Variants in DNAH9 observed in about 807,000 individuals in gnomAD.
DNAH9 encodes dynein axonemal heavy chain 9, also known as DNAH9 variant protein.
DNAH9 carries 345 observed loss-of-function variants against 471.6 expected under a neutral mutation model. The ratio of observed to expected loss-of-function variants is 0.73; its 90% CI spans 0.67 to 0.80. DNAH9 has a LOEUF of 0.80. Among genes scored for constraint, DNAH9 ranks in the 30% least tolerant of loss-of-function variants. DNAH9 has a pLI of 0.00. For synonymous variants in DNAH9, 2,093 were observed against 2,123.6 expected (o/e 0.99, Z 0.40); for missense variants, 5,407 against 5,609.2 (o/e 0.96, Z 1.15).
intron 10 of DNAH9, among the ~76,000 whole-genome samples, chr17:11,642,967 G>A (rs924555503): frequency 2.6e-5 from 4 of 152,220 alleles, no homozygotes; most frequent in East Asian, 1.9e-4. Flanking sequence ...TGGAAAGCTC[G>A]AGGGATCTGA....
At chr17:11,693,219 T>C (rs1471228533) in intron 20 of DNAH9, among the ~76,000 whole-genome samples, 1 of 141,392 alleles carries the variant, frequency 7.1e-6, no homozygotes, top group Non-Finnish European at 1.5e-5. Context: ...AGCTTATTAT[T>C]GCTACTTTTA....
Position 11,881,139 on chromosome 17 carries a change from T to A in DNAH9, c.10602-70T>A, listed in dbSNP as rs1972703199. The A allele has an allele frequency of 1.6e-5, 23 of 1,437,676 alleles. No homozygotes were observed. The South Asian group carries it at 2.7e-4, about 17-fold the overall frequency. 89.1% of individuals were successfully genotyped at this position (1,437,676 alleles called of 1,614,324 possible). A position where few individuals can be genotyped will look rare whatever the true frequency, so the allele number is the denominator to read the frequency against. On this transcript the variant is annotated intron_variant, in intron 54 of 68. Coordinates refer to ENST00000262442, the MANE Select transcript of DNAH9 (RefSeq NM_001372.4). ...ATATAGCAATATTGTTTGAAAAAAA[T>A]CTCAAATTCTGACCCCAACCAAATT... is the stretch of plus-strand genomic sequence containing the variant.
intron 35 of DNAH9, 106 bp downstream of exon 35, chr17:11,757,798 T>G: frequency 8.0e-7 from 1 of 1,244,722 alleles, no homozygotes; most frequent in Non-Finnish European, 1.1e-6. Flanking sequence ...AAGTCAGATG[T>G]TCCCAGAGCG....
At chr17:11,799,853 G>A (rs1969387830) in intron 43 of DNAH9, among the ~76,000 whole-genome samples, 1 of 152,146 alleles carries the variant, frequency 6.6e-6, no homozygotes, top group African/African-American at 2.4e-5. Flanking sequence ...CCAAAGTGCT[G>A]GGATTACAGG....
At chr17:11,697,287 A>G (rs1466062162) in intron 22 of DNAH9, among the ~76,000 whole-genome samples, 2 of 152,140 alleles carry the variant, frequency 1.3e-5, no homozygotes, top group African/African-American at 4.8e-5. Context: ...GTCATTTCAC[A>G]TGTGAGCAAG....
chr17:11,696,169 A>G (rs752139388), intron 22 of DNAH9, among the ~76,000 whole-genome samples: 11 of 152,176 alleles, frequency 7.2e-5, no homozygotes, highest in Non-Finnish European at 1.6e-4. Flanking sequence ...GCAAATGCAC[A>G]TTTACATTCA....
intron 33 of DNAH9, among the ~76,000 whole-genome samples, chr17:11,753,481 A>G (rs537847660): frequency 1.3e-5 from 2 of 152,308 alleles, no homozygotes; most frequent in Admixed American, 6.5e-5. Context: ...CCTGGCCAAC[A>G]TGGTGAAACC....
rs1223902320 is a variant in DNAH9 at position 11,797,860 on chromosome 17, G to T, written c.8420+67G>T. ...CTTCCCAATGACAGGGGTCTCATTC[G>T]GCTATTTGAGGTCACTTCCGTAAAG... On this transcript the variant is annotated intron_variant, in intron 43 of 68. Transcript: ENST00000262442. The T allele has an allele frequency of 2.7e-6, 4 of 1,498,410 alleles. No individual in the cohort carries two copies. The Admixed American group carries it at 7.9e-5, about 30-fold the overall frequency. 92.8% of individuals were successfully genotyped at this position (1,498,410 alleles called of 1,614,324 possible). A position where few individuals can be genotyped will look rare whatever the true frequency, so the allele number is the denominator to read the frequency against.
chr17:11,809,811 A>C (rs1010110489), intron 44 of DNAH9, among the ~76,000 whole-genome samples: 5 of 152,164 alleles, frequency 3.3e-5, no homozygotes, highest in Admixed American at 2.0e-4. Flanking sequence ...TGTAAGTCTT[A>C]CATATAAGAC....
chr17:11,722,919 T>C (rs1350420296), intron 27 of DNAH9, among the ~76,000 whole-genome samples: 1 of 146,024 alleles, frequency 6.8e-6, no homozygotes, highest in Non-Finnish European at 1.5e-5. Flanking sequence ...TTGGAATTAT[T>C]TCCAACCCTC....
intron 4 of DNAH9, chr17:11,612,345 G>C: frequency 5.7e-6 from 1 of 176,408 alleles, no homozygotes; most frequent in Admixed American, 5.7e-5. Context: ...TCCCTGGCAC[G>C]CTGGGAACTC....
chr17:11,742,287 T>C lies in DNAH9; in HGVS notation c.6085T>C (p.Leu2029=), dbSNP rs1330404748. 6.8e-6 allele frequency: 11 copies of C among 1,614,000 alleles called. No individual in the cohort carries two copies. The highest frequency in any genetic ancestry group is 1.7e-5 in the Admixed American group (1 of 60,004). Residue 2029 remains leucine (L), a synonymous_variant, in exon 30 of 69, where the codon TTG becomes CTG. Coordinates refer to ENST00000262442, the MANE Select transcript of DNAH9 (RefSeq NM_001372.4). ...CAGAAAGTTCATCACTCTTTACCAG[T>C]TGTGCAAAGAGCTTCTCTCCAAACA... is the stretch of plus-strand genomic sequence containing the variant. The part of the protein sequence containing the change: ...LARKFITLYQ[L]CKELLSKQDH...
chr17:11,903,032 A>G, intron 60 of DNAH9, 120 bp downstream of exon 60: 1 of 1,145,764 alleles, frequency 8.7e-7, no homozygotes. Flanking sequence ...CTGGAGCTAG[A>G]GGGTGGGAAT....
At chr17:11,875,458 G>A (rs1972438618) in intron 53 of DNAH9, among the ~76,000 whole-genome samples, 1 of 152,080 alleles carries the variant, frequency 6.6e-6, no homozygotes, top group Non-Finnish European at 1.5e-5. Flanking sequence ...TCCTCTCATT[G>A]TCCCTTAAAC....
Position 11,680,890 on chromosome 17 carries a change from G to A in DNAH9, c.3743+1G>A. On this transcript the variant is annotated splice_donor_variant, in intron 19 of 68. Transcript: ENST00000262442. LOFTEE classifies it high-confidence loss of function. Reference sequence around the variant, plus strand: ...AATTCCACAAAGAAGCCCCGTTCAGGTATGGGCCGAACACTGCTGCCTCTC... The same window carrying A: ...AATTCCACAAAGAAGCCCCGTTCAGATATGGGCCGAACACTGCTGCCTCTC... 2 of 1,607,704 alleles carry A rather than the reference G, an allele frequency of 1.2e-6. No individual in the cohort carries two copies. Among genetic ancestry groups the A allele is most frequent in the Non-Finnish European group, 8.5e-7 (1 of 1,177,152 alleles).
At chr17:11,630,642 C>CT (rs1434986413) in intron 7 of DNAH9, 22 of 152,256 alleles carry the variant, frequency 1.4e-4, no homozygotes, top group African/African-American at 5.1e-4. Flanking sequence ...TGTAGCAAAC[C>CT]ACCGTGGCAC....
Position 11,694,000 on chromosome 17 carries a change from T to G in DNAH9, c.4745+2T>G. 6.2e-7 allele frequency: 1 copy of G among 1,613,672 alleles called. No individual in the cohort carries two copies. The highest frequency in any genetic ancestry group is 1.1e-5 in the South Asian group (1 of 91,038). ...AAAGCTGGAGGATATTCAGGGCAGG[T>G]GAGGGTCCGCCCATTACCCCTTCTC... is the stretch of plus-strand genomic sequence containing the variant. On this transcript the variant is annotated splice_donor_variant, in intron 21 of 68. Coordinates refer to ENST00000262442, the MANE Select transcript of DNAH9 (RefSeq NM_001372.4). LOFTEE classifies it high-confidence loss of function.
At chr17:11,916,677 ACT>A (rs1345778952) in intron 61 of DNAH9, among the ~76,000 whole-genome samples, 1 of 151,934 alleles carries the variant, frequency 6.6e-6, no homozygotes, top group African/African-American at 2.4e-5. Context: ...CTCCGTTTAG[ACT>A]CTTAAAAAGC....
rs548298345 is a variant in DNAH9, at chr17:11,884,732, C to G, written c.10971+982C>G. ...GGGTCAACAGCAGGGATGTGACCAC[C>G]AGGTTCCACTATCAGTTACCTATGG... On this transcript the variant is annotated intron_variant, in intron 56 of 68. Coordinates refer to ENST00000262442, the MANE Select transcript of DNAH9 (RefSeq NM_001372.4). 5.2e-4 allele frequency: 186 copies of G among 356,398 alleles called. 1 individual carries two copies. Among genetic ancestry groups the G allele is most frequent in the Admixed American group, 1.6e-3 (49 of 31,568 alleles). The allele number at this position is 356,398 out of a possible 1,614,324, so 22.1% of individuals were successfully genotyped here.
Sources: allele counts gnomAD v4.1 joint callset (sites outside exome capture counted in the v4.1 genomes callset), GRCh38; gene constraint gnomAD v4.1.1; transcripts MANE v1.5; gene names NCBI Gene and HGNC (gene_info 2026-07-23, HGNC 2026-07-21).